OTOGL: variants seen among roughly 807,000 people sequenced by gnomAD.
OTOGL encodes otogelin like, also known as otogelin-like protein.
OTOGL carries 285 observed loss-of-function variants against 318.5 expected under a neutral mutation model. That is an observed-to-expected ratio of 0.89 (90% confidence interval 0.81 to 0.99). The LOEUF (loss-of-function observed/expected upper bound fraction) is 0.99. OTOGL is among the 50% of genes least tolerant of loss of function. OTOGL has a pLI of 0.00. For missense variants in OTOGL, 2,899 were observed against 2,845.6 expected (o/e 1.02, Z -0.43); for synonymous variants, 987 against 936.5 (o/e 1.05, Z -0.99).
At chr12:80,228,656 G>T (rs1169021448) in intron 7 of OTOGL, among the ~76,000 whole-genome samples, 1 of 151,642 alleles carries the variant, frequency 6.6e-6, no homozygotes, top group Non-Finnish European at 1.5e-5. Flanking sequence ...ATTAATTTTG[G>T]TATAGGGTAA....
chr12:80,237,296 G>A (rs963334260), intron 9 of OTOGL, among the ~76,000 whole-genome samples: 1 of 152,066 alleles, frequency 6.6e-6, no homozygotes. Flanking sequence ...TATTGTAATG[G>A]AAAATAAAAT....
chr12:80,373,648 CTA>C (rs1445808895), intron 57 of OTOGL, among the ~76,000 whole-genome samples: 1 of 150,688 alleles, frequency 6.6e-6, no homozygotes, highest in East Asian at 1.9e-4. Context: ...AATACAAATA[CTA>C]TGTAATATAT....
intron 46 of OTOGL, 133 bp downstream of exon 46, chr12:80,353,643 G>A (rs1264599264): frequency 1.3e-6 from 1 of 743,902 alleles, no homozygotes; most frequent in East Asian, 3.1e-5. Context: ...GAGTTTGTTT[G>A]TAGTTTGATT....
intron 1 of OTOGL, among the ~76,000 whole-genome samples, chr12:80,199,441 A>G (rs1876308621): frequency 6.6e-6 from 1 of 152,112 alleles, no homozygotes; most frequent in Non-Finnish European, 1.5e-5. Flanking sequence ...GATTATTTTT[A>G]TCATGATTTT....
intron 1 of OTOGL, among the ~76,000 whole-genome samples, chr12:80,199,924 G>C (rs570699755): frequency 2.0e-4 from 31 of 152,240 alleles, no homozygotes; most frequent in African/African-American, 6.0e-4. Context: ...GAAACATAGG[G>C]CTTTGTATCA....
intron 1 of OTOGL, among the ~76,000 whole-genome samples, chr12:80,111,678 G>T (rs911766663): frequency 8.5e-5 from 13 of 152,166 alleles, no homozygotes; most frequent in African/African-American, 3.1e-4. Flanking sequence ...AAGTCAGGTA[G>T]CGTGATGCCT....
intron 3 of OTOGL, among the ~76,000 whole-genome samples, chr12:80,211,365 G>C (rs1877239755): frequency 6.6e-6 from 1 of 151,946 alleles, no homozygotes; most frequent in Non-Finnish European, 1.5e-5. Context: ...TTAATGAAAA[G>C]CAGAATTCTA....
chr12:80,343,691 A>G (rs1450959630), intron 44 of OTOGL: 1 of 151,916 alleles, frequency 6.6e-6, no homozygotes, highest in African/African-American at 2.4e-5. Context: ...TAAATGGAGC[A>G]ATGAGGGAGG....
At chr12:80,216,798 C>T (rs1877765808) in intron 4 of OTOGL, among the ~76,000 whole-genome samples, 1 of 152,068 alleles carries the variant, frequency 6.6e-6, no homozygotes, top group Non-Finnish European at 1.5e-5. Context: ...TGCTGTTTAC[C>T]ACTACTCTGA....
intron 1 of OTOGL, 134 bp from the exon 2 acceptor site, chr12:80,209,279 A>T: frequency 2.1e-6 from 1 of 481,202 alleles, no homozygotes; most frequent in Non-Finnish European, 3.5e-6. Context: ...TGCTGTATGT[A>T]GTTGGAAAGC....
chr12:80,212,062 TC>T, intron 4 of OTOGL, 65 bp downstream of exon 4: 1 of 1,432,412 alleles, frequency 7.0e-7, no homozygotes, highest in South Asian at 1.2e-5. Flanking sequence ...GACTCTGCTG[TC>T]ACTTCAACAA....
chr12:80,158,998 G>T (rs978016117), intron 1 of OTOGL, among the ~76,000 whole-genome samples: 9 of 151,932 alleles, frequency 5.9e-5, no homozygotes, highest in Admixed American at 5.9e-4. Flanking sequence ...TTACATTGAG[G>T]TATGTCTCTT....
At chr12:80,282,680 A>C (rs964535726) in intron 26 of OTOGL, among the ~76,000 whole-genome samples, 2 of 151,906 alleles carry the variant, frequency 1.3e-5, no homozygotes, top group African/African-American at 4.8e-5. Flanking sequence ...TGAGGTTTAG[A>C]GTATAAATTT....
At chr12:80,312,647 GT>G (rs1221985447) in intron 30 of OTOGL, among the ~76,000 whole-genome samples, 3 of 152,100 alleles carry the variant, frequency 2.0e-5, no homozygotes, top group Non-Finnish European at 4.4e-5. Flanking sequence ...ACTTTTCAGA[GT>G]TTCCAAGGAC....
intron 26 of OTOGL, among the ~76,000 whole-genome samples, chr12:80,280,560 C>A (rs532543500): frequency 6.6e-6 from 1 of 151,918 alleles, no homozygotes; most frequent in Non-Finnish European, 1.5e-5. Context: ...AGAATCCTTT[C>A]CTCATTGCTT....
intron 1 of OTOGL, among the ~76,000 whole-genome samples, chr12:80,175,854 T>C (rs1046477090): frequency 2.0e-5 from 3 of 152,194 alleles, no homozygotes; most frequent in Non-Finnish European, 4.4e-5. Context: ...ATTTGAACAA[T>C]GGTTGAAGGA....
chr12:80,339,302 T>G lies in OTOGL; in HGVS notation c.5050+38T>G, dbSNP rs767132647. 1.1e-5 allele frequency: 10 copies of G among 874,286 alleles called. No individual in the cohort carries two copies. In the African/African-American group the frequency reaches 1.4e-4, roughly 12 times the overall value. The allele number at this position is 874,286 out of a possible 1,614,324, so 54.2% of individuals were successfully genotyped here. On this transcript the variant is annotated intron_variant, in intron 43 of 58. Coordinates refer to ENST00000547103, the MANE Select transcript of OTOGL (RefSeq NM_001378609.3). Reference sequence around the variant, plus strand: ...CTTCAAATCTTGATTTCGTCTGTTTTTTTTTTTTTTTTTTTTTTTTTCTAT... The same window carrying G: ...CTTCAAATCTTGATTTCGTCTGTTTGTTTTTTTTTTTTTTTTTTTTTCTAT...
chr12:80,107,950 G>T (rs1166874694), intron 1 of OTOGL, among the ~76,000 whole-genome samples: 1 of 152,072 alleles, frequency 6.6e-6, no homozygotes, highest in East Asian at 1.9e-4. Context: ...CTATTTGAGA[G>T]TGGAGGGTGG....
chr12:80,156,234 A>C (rs200346600), intron 1 of OTOGL, among the ~76,000 whole-genome samples: 5 of 152,174 alleles, frequency 3.3e-5, no homozygotes, highest in East Asian at 1.9e-4. Flanking sequence ...AGAATGGTTT[A>C]GTTTTCTCGT....
Sources: allele counts gnomAD v4.1 joint callset (sites outside exome capture counted in the v4.1 genomes callset), GRCh38; gene constraint gnomAD v4.1.1; transcripts MANE v1.5; gene names NCBI Gene and HGNC (gene_info 2026-07-23, HGNC 2026-07-21).